Variants in GRID2 observed in about 807,000 individuals in gnomAD.
GRID2 encodes glutamate ionotropic receptor delta type subunit 2, also known as glutamate receptor ionotropic, delta-2.
A neutral mutation model predicts 114.8 loss-of-function variants in GRID2; 33 were observed. That is an observed-to-expected ratio of 0.29 (90% CI 0.22 to 0.38). The LOEUF (loss-of-function observed/expected upper bound fraction) is 0.38, where lower values mean the gene tolerates loss of function less well. GRID2 is among the 10% of genes least tolerant of loss of function. The probability of loss-of-function intolerance (pLI) is 1.00; values close to 1 mark genes in which losing one functional copy is unlikely to be tolerated. For missense variants in GRID2, 1,184 were observed against 1,257.7 expected, an observed-to-expected ratio of 0.94 and a Z score of 0.89; for synonymous variants, 505 against 449.9, an observed-to-expected ratio of 1.12 and a Z score of -1.55.
At chr4:92,906,108 G>T (rs1258757256) in intron 2 of GRID2, among the ~76,000 whole-genome samples, 1 of 152,102 alleles carries the variant, frequency 6.6e-6, no homozygotes, top group African/African-American at 2.4e-5. Flanking sequence ...TTTAGTCAAA[G>T]CAAATATTGT....
chr4:93,705,879 G>A (rs1365348005), intron 14 of GRID2, among the ~76,000 whole-genome samples: 1 of 152,078 alleles, frequency 6.6e-6, no homozygotes, highest in Non-Finnish European at 1.5e-5. Flanking sequence ...TAGGGGTCTA[G>A]TTTCATTTTT....
At chr4:93,597,641 C>T (rs755604036) in intron 13 of GRID2, among the ~76,000 whole-genome samples, 3 of 152,280 alleles carry the variant, frequency 2.0e-5, no homozygotes, top group South Asian at 4.1e-4. Context: ...GTCACTCCAG[C>T]GAATCTCCTT....
At chr4:92,723,342 A>G (rs1735902284) in intron 2 of GRID2, among the ~76,000 whole-genome samples, 1 of 152,168 alleles carries the variant, frequency 6.6e-6, no homozygotes, top group Non-Finnish European at 1.5e-5. Flanking sequence ...CCACACTTTA[A>G]GACGTTGGTA....
intron 10 of GRID2, among the ~76,000 whole-genome samples, chr4:93,427,487 T>G (rs1245559312): frequency 3.3e-5 from 5 of 152,004 alleles, no homozygotes; most frequent in African/African-American, 1.2e-4. Context: ...GCTACCAAAC[T>G]TAAAAGAATG....
chr4:93,237,018 C>G (rs77469077), intron 7 of GRID2, among the ~76,000 whole-genome samples: 1,990 of 151,930 alleles, frequency 0.013, 50 homozygotes, highest in African/African-American at 0.046. Flanking sequence ...GAATAATCTT[C>G]TGGGGTAGGC....
At chr4:92,407,469 C>G (rs1731086973) in intron 1 of GRID2, among the ~76,000 whole-genome samples, 1 of 152,070 alleles carries the variant, frequency 6.6e-6, no homozygotes, top group South Asian at 2.1e-4. Context: ...TGCTGTGTCA[C>G]ATGGTAGTTA....
Position 92,321,407 on chromosome 4 carries a change from G to A in GRID2, c.88+16663G>A, listed in dbSNP as rs1212472744. On this transcript the variant is annotated intron_variant, in intron 1 of 15. Coordinates refer to ENST00000282020, the MANE Select transcript of GRID2 (RefSeq NM_001510.4). ...ACTGTTCAAACTGAGAAGTGGGATAGAGTGGATCCACGTAAGCCAAGTGTT... is the reference window on the plus strand; with the variant it reads ...ACTGTTCAAACTGAGAAGTGGGATAAAGTGGATCCACGTAAGCCAAGTGTT... Among the ~76,000 whole-genome samples the A allele has an allele frequency of 2.6e-5, 4 of 152,192 alleles. No homozygotes were observed. The East Asian group carries it at 7.7e-4, about 29-fold the overall frequency.
chr4:93,722,174 C>T (rs144044590), intron 14 of GRID2, among the ~76,000 whole-genome samples: 1,567 of 152,068 alleles, frequency 0.01, 28 homozygotes, highest in African/African-American at 0.032. Flanking sequence ...CCTCAGCCTA[C>T]CAAAGTGCTA....
chr4:92,899,525 G>C (rs747999234), intron 2 of GRID2, among the ~76,000 whole-genome samples: 2 of 152,076 alleles, frequency 1.3e-5, no homozygotes, highest in African/African-American at 2.4e-5. Context: ...ACAGGACTTG[G>C]TATTTCCTAA....
intron 1 of GRID2, among the ~76,000 whole-genome samples, chr4:92,374,129 T>C (rs1308287959): frequency 6.6e-6 from 1 of 152,122 alleles, no homozygotes; most frequent in Non-Finnish European, 1.5e-5. Flanking sequence ...CAGGCCATGA[T>C]GGGAAGTGGG....
chr4:92,746,096 C>T (rs1389128178), intron 2 of GRID2, among the ~76,000 whole-genome samples: 1 of 151,982 alleles, frequency 6.6e-6, no homozygotes, highest in Non-Finnish European at 1.5e-5. Flanking sequence ...TAGGTAGTAA[C>T]CTACAATGAT....
chr4:93,070,333 G>GT (rs988606863), intron 2 of GRID2, among the ~76,000 whole-genome samples: 5 of 152,004 alleles, frequency 3.3e-5, no homozygotes, highest in African/African-American at 7.2e-5. Flanking sequence ...TGCATAGACA[G>GT]TTTTTTTTCC....
chr4:92,942,166 G>A (rs1019563063), intron 2 of GRID2, among the ~76,000 whole-genome samples: 3 of 152,102 alleles, frequency 2.0e-5, no homozygotes, highest in Non-Finnish European at 4.4e-5. Context: ...GTTGACAGTG[G>A]GGTGTTAAAG....
rs779795630 is a variant in GRID2, at chr4:93,693,443, AG to A, written c.2360+67011del. 3.5e-4 allele frequency among the ~76,000 whole-genome samples: 54 copies of A among 152,342 alleles called. 1 individual carries two copies. Among genetic ancestry groups the A allele is most frequent in the East Asian group, 2.5e-3 (13 of 5,190 alleles). ...TGACCTGAAAACTAGATATCCCCTG[AG>A]GGTAGTTTTATAAAATTACCAAGCT... On this transcript the variant is annotated intron_variant, in intron 14 of 15. Transcript: ENST00000282020.
rs1310999676 is a variant in GRID2, at chr4:92,382,181, A to G, written c.88+77437A>G. Among the ~76,000 whole-genome samples the G allele has an allele frequency of 4.6e-5, 7 of 151,962 alleles. No homozygotes were observed. The Admixed American group carries it at 4.6e-4, about 10-fold the overall frequency. On this transcript the variant is annotated intron_variant, in intron 1 of 15. Transcript: ENST00000282020. ...TTTATTACATTAAATGACTGTATTG[A>G]GCCCATAAAATTATGTGTTCTCTTA...
intron 1 of GRID2, among the ~76,000 whole-genome samples, chr4:92,473,456 T>A (rs2149097782): frequency 6.6e-6 from 1 of 152,206 alleles, no homozygotes; most frequent in East Asian, 1.9e-4. Flanking sequence ...AGGACAATGA[T>A]AATAGAAGTG....
At chr4:92,338,426 T>C (rs920915569) in intron 1 of GRID2, among the ~76,000 whole-genome samples, 2 of 152,150 alleles carry the variant, frequency 1.3e-5, no homozygotes, top group Non-Finnish European at 2.9e-5. Flanking sequence ...TATTGTCTAC[T>C]GACACATAGT....
At chr4:93,622,750 C>G (rs1228188550) in intron 13 of GRID2, among the ~76,000 whole-genome samples, 2 of 152,120 alleles carry the variant, frequency 1.3e-5, no homozygotes, top group Non-Finnish European at 2.9e-5. Flanking sequence ...AGGTTTTAGG[C>G]CATTCATTGT....
chr4:93,689,771 T>C (rs1251859769), intron 14 of GRID2, among the ~76,000 whole-genome samples: 1 of 152,140 alleles, frequency 6.6e-6, no homozygotes, highest in Non-Finnish European at 1.5e-5. Context: ...AACTAAGATA[T>C]TTTAAATGAT....
Sources: allele counts gnomAD v4.1 joint callset (sites outside exome capture counted in the v4.1 genomes callset), GRCh38; gene constraint gnomAD v4.1.1; transcripts MANE v1.5; gene names NCBI Gene and HGNC (gene_info 2026-07-23, HGNC 2026-07-21).